Variants in WWOX observed in about 807,000 individuals in gnomAD.
The protein encoded by WWOX is WW domain containing oxidoreductase, also known as WW domain-containing oxidoreductase.
A neutral mutation model predicts 46.2 loss-of-function variants in WWOX; 69 were observed. That is an observed-to-expected ratio of 1.49 (90% CI 1.23 to 1.82). The LOEUF (loss-of-function observed/expected upper bound fraction) is 1.82. Ranked by LOEUF, WWOX falls within the 40% of genes most tolerant of loss-of-function variation. WWOX has a pLI of 0.00. For missense variants in WWOX, 919 were observed against 542.6 expected (o/e 1.69, Z -6.89); for synonymous variants, 359 against 202.6 (o/e 1.77, Z -6.56).
chr16:79,157,616 G>T (rs2050406941), intron 8 of WWOX, among the ~76,000 whole-genome samples: 1 of 152,102 alleles, frequency 6.6e-6, no homozygotes, highest in Admixed American at 6.5e-5. Flanking sequence ...TTAAAATACA[G>T]GTTTTATTAT....
chr16:79,024,314 A>G (rs1378132325), intron 8 of WWOX, among the ~76,000 whole-genome samples: 2 of 152,216 alleles, frequency 1.3e-5, no homozygotes, highest in Non-Finnish European at 2.9e-5. Flanking sequence ...GTTGTGGTGC[A>G]GTGGCACAGT....
At chr16:78,190,165 A>G (rs2035839972) in intron 5 of WWOX, among the ~76,000 whole-genome samples, 2 of 152,196 alleles carry the variant, frequency 1.3e-5, no homozygotes, top group African/African-American at 4.8e-5. Flanking sequence ...GTTGGTGCTA[A>G]GATGAGCACT....
chr16:79,070,100 A>C (rs1199555328), intron 8 of WWOX, among the ~76,000 whole-genome samples: 2 of 152,238 alleles, frequency 1.3e-5, no homozygotes, highest in Non-Finnish European at 2.9e-5. Context: ...TTATCATTCA[A>C]AGATTGGGCA....
intron 5 of WWOX, among the ~76,000 whole-genome samples, chr16:78,214,063 A>T (rs921754877): frequency 6.6e-6 from 1 of 152,064 alleles, no homozygotes; most frequent in Admixed American, 6.5e-5. Context: ...GGCCCATCAG[A>T]CTTACCTTGC....
chr16:78,811,300 T>G (rs1203522873), intron 8 of WWOX, among the ~76,000 whole-genome samples: 1 of 152,202 alleles, frequency 6.6e-6, no homozygotes, highest in African/African-American at 2.4e-5. Context: ...CTGTGATTCA[T>G]AGGCTCTCTG....
chr16:78,717,336 C>G (rs8059714), intron 8 of WWOX, among the ~76,000 whole-genome samples: 1 of 152,022 alleles, frequency 6.6e-6, no homozygotes, highest in Admixed American at 6.5e-5. Context: ...GCAGAACTTG[C>G]AATAATGTAA....
chr16:78,586,162 G>C (rs1228314158), intron 8 of WWOX, among the ~76,000 whole-genome samples: 1 of 152,106 alleles, frequency 6.6e-6, no homozygotes, highest in African/African-American at 2.4e-5. Flanking sequence ...TTCAAGACTA[G>C]CCTGGGCAAC....
At chr16:79,088,821 C>G (rs1164396690) in intron 8 of WWOX, among the ~76,000 whole-genome samples, 1 of 152,194 alleles carries the variant, frequency 6.6e-6, no homozygotes, top group African/African-American at 2.4e-5. Context: ...CACCCAACGG[C>G]AAAGTCCATA....
intron 8 of WWOX, among the ~76,000 whole-genome samples, chr16:79,175,948 C>T (rs767146586): frequency 4.6e-5 from 7 of 152,184 alleles, no homozygotes; most frequent in Non-Finnish European, 8.8e-5. Flanking sequence ...TTCCTGCCTC[C>T]ACCCTTGCCT....
chr16:78,978,744 C>T lies in WWOX; in HGVS notation c.1057-232864C>T, dbSNP rs561541700. On this transcript the variant is annotated intron_variant, in intron 8 of 8. Transcript: ENST00000566780. ...GCTACACACTTTTCAACCACCGAAT[C>T]GCATGAGAACTCTCTCACTGGGACA... is the stretch of plus-strand genomic sequence containing the variant. Among the ~76,000 whole-genome samples the T allele has an allele frequency of 2.0e-5, 3 of 152,280 alleles. No individual in the cohort carries two copies. In the South Asian group the frequency reaches 6.2e-4, roughly 32 times the overall value.
chr16:78,851,380 AG>A (rs1416435248), intron 8 of WWOX, among the ~76,000 whole-genome samples: 1 of 152,230 alleles, frequency 6.6e-6, no homozygotes, highest in Non-Finnish European at 1.5e-5. Flanking sequence ...ACAGAAAAAG[AG>A]TTTACTTATA....
chr16:78,461,186 C>A (rs1427075238), intron 8 of WWOX, among the ~76,000 whole-genome samples: 1 of 152,072 alleles, frequency 6.6e-6, no homozygotes, highest in Non-Finnish European at 1.5e-5. Context: ...GAATTGTGGC[C>A]TTAACTTTCT....
At chr16:78,745,911 C>T (rs1368927636) in intron 8 of WWOX, among the ~76,000 whole-genome samples, 2 of 151,976 alleles carry the variant, frequency 1.3e-5, no homozygotes, top group Non-Finnish European at 2.9e-5. Context: ...TGCCAGAAAC[C>T]TGCCAAGGAA....
At position 78,522,247 on chromosome 16, in the gene WWOX, T is replaced by A. The variant is rs754574731; in HGVS notation, c.1056+89495T>A. On this transcript the variant is annotated intron_variant, in intron 8 of 8. Transcript: ENST00000566780. ...GTAGACTCATGAAACCTAGAAGGAG[T>A]TGAAAAATAAGGGTTAGGATTAAAA... is the stretch of plus-strand genomic sequence containing the variant. Among the ~76,000 whole-genome samples, 6 of 151,190 alleles carry A rather than the reference T, an allele frequency of 4.0e-5. No individual in the cohort carries two copies. In the South Asian group the frequency reaches 1.0e-3, roughly 26 times the overall value.
intron 8 of WWOX, among the ~76,000 whole-genome samples, chr16:78,781,010 C>T (rs2050311071): frequency 6.6e-6 from 1 of 152,190 alleles, no homozygotes; most frequent in Admixed American, 6.5e-5. Context: ...AGTGCCGTGA[C>T]TCCTCTGCCA....
chr16:79,198,472 G>A (rs1047899700), intron 8 of WWOX, among the ~76,000 whole-genome samples: 3 of 152,184 alleles, frequency 2.0e-5, no homozygotes, highest in African/African-American at 4.8e-5. Context: ...TTTCCCATGG[G>A]CAATTAAAGC....
Position 79,133,808 on chromosome 16 carries a change from T to C in WWOX, c.1057-77800T>C, listed in dbSNP as rs2049929947. Among the ~76,000 whole-genome samples, 3 of 152,242 alleles carry C rather than the reference T, an allele frequency of 2.0e-5. No individual in the cohort carries two copies. The South Asian group carries it at 6.2e-4, about 32-fold the overall frequency. On this transcript the variant is annotated intron_variant, in intron 8 of 8. Coordinates refer to ENST00000566780, the MANE Select transcript of WWOX (RefSeq NM_016373.4). Reference sequence around the variant, plus strand: ...TAGAATTGAGGGGAAATGCAGGATGTAATGAAATGACATTGGTCAATCCTC... The same window carrying C: ...TAGAATTGAGGGGAAATGCAGGATGCAATGAAATGACATTGGTCAATCCTC...
chr16:78,491,529 C>G (rs1567603657), intron 8 of WWOX, among the ~76,000 whole-genome samples: 1 of 152,124 alleles, frequency 6.6e-6, no homozygotes, highest in Non-Finnish European at 1.5e-5. Context: ...GTGGCAGAGT[C>G]TCTGTGCACT....
chr16:78,805,846 G>C (rs940946503), intron 8 of WWOX, among the ~76,000 whole-genome samples: 3 of 152,234 alleles, frequency 2.0e-5, no homozygotes, highest in Middle Eastern at 3.4e-3. Flanking sequence ...CAAGATCTGC[G>C]AATATAGAAA....
Sources: allele counts gnomAD v4.1 joint callset (sites outside exome capture counted in the v4.1 genomes callset), GRCh38; gene constraint gnomAD v4.1.1; transcripts MANE v1.5; gene names NCBI Gene and HGNC (gene_info 2026-07-23, HGNC 2026-07-21).